The following GPA33 variants were observed in gnomAD, a reference collection of about 807,000 sequenced individuals.
The protein encoded by GPA33 is cell surface A33 antigen.
A neutral mutation model predicts 35.6 loss-of-function variants in GPA33; 27 were observed. That is an observed-to-expected ratio of 0.76 (90% confidence interval 0.56 to 1.04). The LOEUF is 1.04. Ranked by LOEUF, GPA33 falls within the 50% of genes least tolerant of loss-of-function variation. The pLI is 0.00. For missense variants in GPA33, 428 were observed against 411.9 expected (o/e 1.04, Z -0.34); for synonymous variants, 176 against 164.0 (o/e 1.07, Z -0.56).
At chr1:167,088,799 C>A (rs1334514036) in intron 1 of GPA33, among the ~76,000 whole-genome samples, 4 of 152,136 alleles carry the variant, frequency 2.6e-5, no homozygotes, top group Non-Finnish European at 5.9e-5. Context: ...TGGGGTGGTG[C>A]AGGCATGGAG....
chr1:167,072,915 G>A (rs1345143759), intron 2 of GPA33, among the ~76,000 whole-genome samples: 1 of 152,034 alleles, frequency 6.6e-6, no homozygotes, highest in Admixed American at 6.6e-5. Context: ...GGGTGAGACA[G>A]GAGAAGCAGG....
At chr1:167,067,174 T>G (rs1278023676) in intron 3 of GPA33, among the ~76,000 whole-genome samples, 7 of 152,186 alleles carry the variant, frequency 4.6e-5, no homozygotes, top group Admixed American at 3.3e-4. Context: ...TGCTCGCTTG[T>G]TTGTTTTGAG....
chr1:167,079,923 G>A (rs987495460), intron 1 of GPA33, among the ~76,000 whole-genome samples: 1 of 152,040 alleles, frequency 6.6e-6, no homozygotes, highest in Non-Finnish European at 1.5e-5. Context: ...TCTCTCCTGG[G>A]GGTCTTTGCA....
At chr1:167,059,967 C>G (rs139320047) in intron 4 of GPA33, among the ~76,000 whole-genome samples, 2 of 152,298 alleles carry the variant, frequency 1.3e-5, no homozygotes, top group African/African-American at 4.8e-5. Context: ...GCAGAGGTAC[C>G]CTCCTCTCCA....
rs77300275 is a variant in GPA33, at chr1:167,057,863, G to T, written c.572-2014C>A. Among the ~76,000 whole-genome samples the T allele has an allele frequency of 1.6e-4, 25 of 152,314 alleles. No individual in the cohort carries two copies. In the East Asian group the frequency reaches 3.1e-3, roughly 19 times the overall value. ...ATTATAAAACAGGAACAAAAATCCTGTTTCAGGTCTAGAACTCCCTGGAGC... is the reference window on the plus strand; with the variant it reads ...ATTATAAAACAGGAACAAAAATCCTTTTTCAGGTCTAGAACTCCCTGGAGC... On this transcript the variant is annotated intron_variant, in intron 4 of 6. Coordinates refer to ENST00000367868, the MANE Select transcript of GPA33 (RefSeq NM_005814.3).
intron 4 of GPA33, among the ~76,000 whole-genome samples, chr1:167,059,309 T>A (rs1188779804): frequency 2.6e-5 from 4 of 152,276 alleles, no homozygotes; most frequent in Admixed American, 2.6e-4. Flanking sequence ...AGAAAACTAA[T>A]GTTTCCGCTG....
At chr1:167,056,866 T>C (rs1193548775) in intron 4 of GPA33, among the ~76,000 whole-genome samples, 1 of 23,296 alleles carries the variant, frequency 4.3e-5, no homozygotes, top group Non-Finnish European at 9.0e-5. Context: ...GGTGTGTGTG[T>C]GGTGTGTGGT....
chr1:167,065,944 G>T (rs1244138008), intron 3 of GPA33, among the ~76,000 whole-genome samples: 1 of 152,104 alleles, frequency 6.6e-6, no homozygotes, highest in Non-Finnish European at 1.5e-5. Flanking sequence ...CCAACAAGCA[G>T]GTCCCCGGGG....
At chr1:167,074,271 G>A (rs1392995167) in intron 1 of GPA33, among the ~76,000 whole-genome samples, 2 of 151,854 alleles carry the variant, frequency 1.3e-5, no homozygotes, top group Non-Finnish European at 2.9e-5. Context: ...GATGTTATGT[G>A]GCTCTGAGGC....
chr1:167,071,560 G>A (rs1317675317), intron 2 of GPA33, among the ~76,000 whole-genome samples: 3 of 152,196 alleles, frequency 2.0e-5, no homozygotes, highest in Non-Finnish European at 4.4e-5. Context: ...CCAGGTTGAG[G>A]CAGACAGCTC....
rs761083043 is a variant in GPA33, at chr1:167,063,575, C to T, written c.571+7G>A. 1 of 1,600,384 alleles carries T rather than the reference C, an allele frequency of 6.2e-7. No individual in the cohort carries two copies. Among genetic ancestry groups the T allele is most frequent in the Non-Finnish European group, 8.5e-7 (1 of 1,171,524 alleles). Reference sequence around the variant, plus strand: ...TGGGGAGCCCGCCTTCCCTACTGCCCCCTTACCTGGCTGGGCCAGGGGCTG... The same window carrying T: ...TGGGGAGCCCGCCTTCCCTACTGCCTCCTTACCTGGCTGGGCCAGGGGCTG... On this transcript the variant is annotated splice_region_variant and intron_variant, in intron 4 of 6. Coordinates refer to ENST00000367868, the MANE Select transcript of GPA33 (RefSeq NM_005814.3).
chr1:167,061,586 GTTTTTTTTTTTTTT>G (rs397981830), intron 4 of GPA33, among the ~76,000 whole-genome samples: 50 of 74,654 alleles, frequency 6.7e-4, no homozygotes, highest in African/African-American at 2.3e-3. Flanking sequence ...TCTACTAACT[GTTTTTTTTTTTTTT>G]TTTTTTTTTT....
rs753015927 is a variant in GPA33 at position 167,068,949 on chromosome 1, TG to T, written c.387del (p.Lys130SerfsTer24). ...VSLMSDLEGN[T>X]KSRVRLLVLV... Reference sequence around the variant, plus strand: ...AGGACCAACAGGCGGACACGTGACTTGGTGTTGCCCTCCAGGTCTGACATCA... The same window carrying T: ...AGGACCAACAGGCGGACACGTGACTTGTGTTGCCCTCCAGGTCTGACATCA... On this transcript the variant is annotated frameshift_variant, in exon 3 of 7. Transcript: ENST00000367868. LOFTEE classifies it high-confidence loss of function. The T allele has an allele frequency of 1.2e-6, 2 of 1,613,206 alleles. No individual in the cohort carries two copies. The highest frequency in any genetic ancestry group is 3.3e-5 in the Admixed American group (2 of 60,020).
intron 2 of GPA33, among the ~76,000 whole-genome samples, chr1:167,072,938 C>A (rs1257960512): frequency 6.6e-6 from 1 of 151,754 alleles, no homozygotes; most frequent in Non-Finnish European, 1.5e-5. Context: ...TGGGAATGAG[C>A]CTTCTCAATG....
At chr1:167,056,890 G>A (rs1177299766) in intron 4 of GPA33, among the ~76,000 whole-genome samples, 3 of 143,148 alleles carry the variant, frequency 2.1e-5, no homozygotes, top group Non-Finnish European at 4.6e-5. Flanking sequence ...TGTGGTGTGT[G>A]TAGTGTGTGT....
chr1:167,061,597 T>G (rs1181585216), intron 4 of GPA33, among the ~76,000 whole-genome samples: 5 of 139,230 alleles, frequency 3.6e-5, no homozygotes, highest in Non-Finnish European at 7.8e-5. Context: ...TTTTTTTTTT[T>G]TTTTTTTTTT....
At position 167,054,473 on chromosome 1, in the gene GPA33, G is replaced by A; in HGVS notation, c.828-7C>T. 1 of 1,614,024 alleles carries A rather than the reference G, an allele frequency of 6.2e-7. No individual in the cohort carries two copies. Among genetic ancestry groups the A allele is most frequent in the Non-Finnish European group, 8.5e-7 (1 of 1,179,992 alleles). On this transcript the variant is annotated splice_region_variant and splice_polypyrimidine_tract_variant and intron_variant, in intron 6 of 6. Coordinates refer to ENST00000367868, the MANE Select transcript of GPA33 (RefSeq NM_005814.3). ...CTCATAGGCTTCCCGGTTCCTGCAGGGCAGCAGGGGACAGAGGGGAAGGAT... is the reference window on the plus strand; with the variant it reads ...CTCATAGGCTTCCCGGTTCCTGCAGAGCAGCAGGGGACAGAGGGGAAGGAT...
intron 6 of GPA33, among the ~76,000 whole-genome samples, chr1:167,054,706 C>T (rs970657034): frequency 1.5e-4 from 23 of 152,262 alleles, no homozygotes; most frequent in Middle Eastern, 3.4e-3. Context: ...GAACTGGCCC[C>T]GTGACAGGGG....
chr1:167,078,245 G>A (rs1025619904), intron 1 of GPA33, among the ~76,000 whole-genome samples: 1 of 152,184 alleles, frequency 6.6e-6, no homozygotes, highest in Non-Finnish European at 1.5e-5. Flanking sequence ...GCTCTACTCA[G>A]GGAGATAAGA....
Sources: gnomAD v4.1 joint callset for allele counts (sites outside exome capture counted in the v4.1 genomes callset) on GRCh38, gnomAD v4.1.1 for gene constraint, MANE v1.5 for transcripts, NCBI Gene and HGNC (gene_info 2026-07-23, HGNC 2026-07-21) for gene names.